Variants in PELI2 observed in about 807,000 individuals in gnomAD.
The protein encoded by PELI2 is E3 ubiquitin-protein ligase pellino homolog 2.
PELI2 carries 23 observed loss-of-function variants against 42.3 expected under a neutral mutation model. That is an observed-to-expected ratio of 0.54 (90% CI 0.39 to 0.77). The LOEUF (loss-of-function observed/expected upper bound fraction) is 0.77, where lower values mean the gene tolerates loss of function less well. Ranked by LOEUF, PELI2 falls within the 30% of genes least tolerant of loss-of-function variation. The pLI, the probability that PELI2 is intolerant of heterozygous loss-of-function variation, is 0.00. For missense variants in PELI2, 463 were observed against 553.2 expected (o/e 0.84, Z 1.64); for synonymous variants, 245 against 212.2 (o/e 1.15, Z -1.34).
intron 2 of PELI2, among the ~76,000 whole-genome samples, chr14:56,196,238 G>T (rs1886126649): frequency 6.6e-6 from 1 of 152,068 alleles, no homozygotes; most frequent in Admixed American, 6.6e-5. Flanking sequence ...TCTTTCCAAA[G>T]CATGTTTTCG....
At chr14:56,133,878 C>T (rs1347288598) in intron 1 of PELI2, among the ~76,000 whole-genome samples, 1 of 152,186 alleles carries the variant, frequency 6.6e-6, no homozygotes, top group African/African-American at 2.4e-5. Flanking sequence ...GTACCTGGCA[C>T]TACATGGAGG....
intron 2 of PELI2, among the ~76,000 whole-genome samples, chr14:56,251,944 C>T (rs972642799): frequency 1.3e-5 from 2 of 151,940 alleles, no homozygotes; most frequent in Non-Finnish European, 2.9e-5. Context: ...CACCGTAATT[C>T]TTTTTTTTAA....
At chr14:56,132,821 A>C (rs1264864083) in intron 1 of PELI2, among the ~76,000 whole-genome samples, 1 of 152,146 alleles carries the variant, frequency 6.6e-6, no homozygotes, top group East Asian at 1.9e-4. Flanking sequence ...AATTCACCCC[A>C]GTTTTCCCTA....
At chr14:56,198,479 A>G (rs1886220761) in intron 2 of PELI2, among the ~76,000 whole-genome samples, 1 of 152,362 alleles carries the variant, frequency 6.6e-6, no homozygotes, top group East Asian at 1.9e-4. Flanking sequence ...CATCACATGC[A>G]CTGAGTGAGT....
intron 1 of PELI2, among the ~76,000 whole-genome samples, chr14:56,158,652 G>A (rs1884652017): frequency 6.6e-6 from 1 of 152,148 alleles, no homozygotes; most frequent in South Asian, 2.1e-4. Flanking sequence ...ACCACACCTG[G>A]CCGAGATTAT....
Position 56,177,299 on chromosome 14 carries a change from T to C in PELI2, c.78-1036T>C, listed in dbSNP as rs148768184. ...CCCTGTCCGGCCACTCCCTTCTGGG[T>C]GTAGCTGGAAAAGTGGAGAAGGCCC... On this transcript the variant is annotated intron_variant, in intron 1 of 5. Coordinates refer to ENST00000267460, the MANE Select transcript of PELI2 (RefSeq NM_021255.3). Among the ~76,000 whole-genome samples, 16 of 152,238 alleles carry C rather than the reference T, an allele frequency of 1.1e-4. No homozygotes were observed. The East Asian group carries it at 1.7e-3, about 17-fold the overall frequency.
intron 2 of PELI2, among the ~76,000 whole-genome samples, chr14:56,191,718 C>CA (rs1347870507): frequency 6.6e-6 from 1 of 152,242 alleles, no homozygotes; most frequent in Non-Finnish European, 1.5e-5. Flanking sequence ...CTAGCAACTT[C>CA]AAAATCTGGC....
chr14:56,279,861 C>A, intron 3 of PELI2, 84 bp downstream of exon 3: 1 of 632,534 alleles, frequency 1.6e-6, no homozygotes, highest in Non-Finnish European at 2.8e-6. Flanking sequence ...TCTTCCAGCC[C>A]AGTATGTCCA....
chr14:56,266,257 T>C (rs79380425), intron 2 of PELI2, among the ~76,000 whole-genome samples: 2,463 of 152,092 alleles, frequency 0.016, 66 homozygotes, highest in African/African-American at 0.056. Context: ...AATATTGATT[T>C]GTTTGACTCT....
chr14:56,289,345 TG>T lies in PELI2; in HGVS notation c.507+714del, dbSNP rs535831928. Among the ~76,000 whole-genome samples the T allele has an allele frequency of 2.0e-5, 3 of 152,298 alleles. No individual in the cohort carries two copies. In the South Asian group the frequency reaches 6.2e-4, roughly 32 times the overall value. On this transcript the variant is annotated intron_variant, in intron 4 of 5. Coordinates refer to ENST00000267460, the MANE Select transcript of PELI2 (RefSeq NM_021255.3). ...CTCCCGTGGTGCACCAGCCTCTTCC[TG>T]GGAGGTCTTCTTGTGGGTGAGAGCT...
intron 2 of PELI2, among the ~76,000 whole-genome samples, chr14:56,277,161 G>A (rs1290882525): frequency 6.6e-6 from 1 of 151,892 alleles, no homozygotes; most frequent in African/African-American, 2.4e-5. Flanking sequence ...AAACCCCAAG[G>A]TAGTGGTCTG....
chr14:56,243,082 G>C lies in PELI2; in HGVS notation c.208-36594G>C, dbSNP rs35207309. ...TTTAAAGTATCGAATTTGATTTCCA[G>C]ATATTTGCGAGTTTTCTAGATGTCT... On this transcript the variant is annotated intron_variant, in intron 2 of 5. Coordinates refer to ENST00000267460, the MANE Select transcript of PELI2 (RefSeq NM_021255.3). Among the ~76,000 whole-genome samples, 1,255 of 151,932 alleles carry C rather than the reference G, an allele frequency of 8.3e-3. 7 individuals carry two copies. Among genetic ancestry groups the C allele is most frequent in the Non-Finnish European group, 0.012 (809 of 68,028 alleles).
At chr14:56,151,162 T>C (rs1884337219) in intron 1 of PELI2, among the ~76,000 whole-genome samples, 1 of 152,252 alleles carries the variant, frequency 6.6e-6, no homozygotes, top group Admixed American at 6.5e-5. Flanking sequence ...GTGGCCTCTT[T>C]GCAGCATCTT....
At chr14:56,176,038 G>T (rs539415140) in intron 1 of PELI2, among the ~76,000 whole-genome samples, 1 of 152,184 alleles carries the variant, frequency 6.6e-6, no homozygotes, top group Non-Finnish European at 1.5e-5. Context: ...TCCCAATTTT[G>T]TATTTTCCAA....
chr14:56,225,345 C>T (rs146887739), intron 2 of PELI2, among the ~76,000 whole-genome samples: 55 of 152,112 alleles, frequency 3.6e-4, no homozygotes, highest in African/African-American at 1.3e-3. Flanking sequence ...CTGAGAGCTC[C>T]GACTGAGTAC....
intron 2 of PELI2, among the ~76,000 whole-genome samples, chr14:56,260,388 C>T (rs1888671058): frequency 6.6e-6 from 1 of 152,180 alleles, no homozygotes; most frequent in South Asian, 2.1e-4. Context: ...TGTAAGACTA[C>T]ATATTAAGTT....
rs762958171 is a variant in PELI2 at position 56,118,720 on chromosome 14, G to A, written c.60G>A (p.Gly20=). The A allele has an allele frequency of 4.0e-5, 61 of 1,528,686 alleles. No individual in the cohort carries two copies. Among genetic ancestry groups the A allele is most frequent in the South Asian group, 3.4e-4 (28 of 82,782 alleles). 94.7% of individuals were successfully genotyped at this position (1,528,686 alleles called of 1,614,324 possible). Residue 20 remains glycine, a synonymous_variant, in exon 1 of 6, where the codon GGG becomes GGA. Transcript: ENST00000267460. ...CAPNKEPVKY[G]ELVVLGYNGA... is the part of the protein sequence containing the mutation. ...CCAATAAGGAGCCAGTGAAATACGG[G>A]GAGCTGGTGGTGCTCGGGTGAGTCC...
chr14:56,174,628 T>C lies in PELI2; in HGVS notation c.78-3707T>C, dbSNP rs34521792. 6.7e-3 allele frequency among the ~76,000 whole-genome samples: 1,015 copies of C among 152,308 alleles called. 3 individuals are homozygous for C. The highest frequency in any genetic ancestry group is 0.01 in the Non-Finnish European group (696 of 68,026). ...CACAAGATCTGATGGTTTAAAAGTG[T>C]GTGTCACTTTCCCCTTCTCGAGCTT... On this transcript the variant is annotated intron_variant, in intron 1 of 5. Coordinates refer to ENST00000267460, the MANE Select transcript of PELI2 (RefSeq NM_021255.3).
intron 1 of PELI2, among the ~76,000 whole-genome samples, chr14:56,163,353 T>C (rs980346247): frequency 6.6e-6 from 1 of 152,210 alleles, no homozygotes; most frequent in African/African-American, 2.4e-5. Context: ...CGTATGTTCT[T>C]AGTACATTTG....
Sources: allele counts gnomAD v4.1 joint callset (sites outside exome capture counted in the v4.1 genomes callset), GRCh38; gene constraint gnomAD v4.1.1; transcripts MANE v1.5; gene names NCBI Gene and HGNC (gene_info 2026-07-23, HGNC 2026-07-21).